The following KIF15 variants were observed in gnomAD, a reference collection of about 807,000 sequenced individuals.
The protein encoded by KIF15 is kinesin-like protein KIF15.
KIF15 carries 140 observed loss-of-function variants against 190.6 expected under a neutral mutation model. The ratio of observed to expected loss-of-function variants is 0.73; its 90% CI spans 0.64 to 0.84. The LOEUF (loss-of-function observed/expected upper bound fraction) is 0.84. KIF15 is among the 40% of genes least tolerant of loss of function. The pLI is 0.00. For missense variants in KIF15, 1,372 were observed against 1,584.4 expected, an observed-to-expected ratio of 0.87 and a Z score of 2.28; for synonymous variants, 528 against 551.3, an observed-to-expected ratio of 0.96 and a Z score of 0.59.
In KIF15 at chr3:44,761,860, G is replaced by A. The variant is rs200039637; in HGVS notation, c.-6G>A. 128 of 1,614,180 alleles carry A rather than the reference G, an allele frequency of 7.9e-5. No homozygotes were observed. The African/African-American group carries it at 1.4e-3, about 18-fold the overall frequency. ...ATTGTTTTCGGGATCGAGGGGTGAG[G>A]GCGCTATGGCACCCGGCTGCAAAAG... On this transcript the variant is annotated 5_prime_UTR_variant, in exon 1 of 35. Coordinates refer to ENST00000326047, the MANE Select transcript of KIF15 (RefSeq NM_020242.3).
intron 1 of KIF15, among the ~76,000 whole-genome samples, chr3:44,772,968 A>G (rs999369980): frequency 3.3e-5 from 5 of 152,188 alleles, no homozygotes; most frequent in African/African-American, 1.2e-4. Flanking sequence ...CTATGCCAGC[A>G]TCCCATCCTA....
Position 44,800,365 on chromosome 3 carries a change from G to C in KIF15, c.1150G>C (p.Val384Leu). The C allele has an allele frequency of 6.2e-7, 1 of 1,614,198 alleles. No homozygotes were observed. Among genetic ancestry groups the C allele is most frequent in the Non-Finnish European group, 8.5e-7 (1 of 1,180,026 alleles). ...AAATGTGAGCCAGCTCCAAGCTGAA[G>C]TGAAGAGGCTCAAAGAACAACTGGC... ...QGNVSQLQAE[V>L]KRLKEQLAEL... The change falls in exon 11 of 35, where the codon GTG (valine) becomes CTG (leucine). Residue 384 changes from valine (V) to leucine (L), a missense_variant. By Grantham distance (32) the Val-to-Leu change is conservative. Coordinates refer to ENST00000326047, the MANE Select transcript of KIF15 (RefSeq NM_020242.3).
At chr3:44,833,230 T>C (rs1333748739) in intron 26 of KIF15, among the ~76,000 whole-genome samples, 1 of 152,142 alleles carries the variant, frequency 6.6e-6, no homozygotes, top group Non-Finnish European at 1.5e-5. Context: ...CTCAGCCTTT[T>C]TGGCACCAGG....
At chr3:44,768,730 AG>A (rs1705518459) in intron 1 of KIF15, among the ~76,000 whole-genome samples, 1 of 151,928 alleles carries the variant, frequency 6.6e-6, no homozygotes, top group African/African-American at 2.4e-5. Context: ...TCCTGCTGAC[AG>A]GGGGTGCTGT....
chr3:44,815,819 T>G (rs1163159453), intron 20 of KIF15, among the ~76,000 whole-genome samples: 2 of 152,236 alleles, frequency 1.3e-5, no homozygotes, highest in Non-Finnish European at 2.9e-5. Context: ...AGCCATAATT[T>G]AATAATGGAC....
chr3:44,846,783 A>AG (rs1698868353), intron 30 of KIF15, among the ~76,000 whole-genome samples: 1 of 151,984 alleles, frequency 6.6e-6, no homozygotes, highest in African/African-American at 2.4e-5. Context: ...AAAAAAAAAA[A>AG]AAAAAAAAAG....
chr3:44,801,739 T>G, intron 12 of KIF15, 26 bp from the exon 13 acceptor site: 1 of 1,406,460 alleles, frequency 7.1e-7, no homozygotes, highest in East Asian at 2.3e-5. Context: ...TTTTTCATGT[T>G]TAACCAAATT....
chr3:44,845,419 T>C (rs1698800567), intron 30 of KIF15, among the ~76,000 whole-genome samples: 1 of 151,972 alleles, frequency 6.6e-6, no homozygotes, highest in Non-Finnish European at 1.5e-5. Context: ...TTGGAGATGG[T>C]GGGAACTACA....
At chr3:44,846,418 A>G (rs1258481146) in intron 30 of KIF15, among the ~76,000 whole-genome samples, 4 of 151,720 alleles carry the variant, frequency 2.6e-5, no homozygotes, top group African/African-American at 9.7e-5. Context: ...TTTCCTTTGC[A>G]CTCATCCTGT....
intron 20 of KIF15, among the ~76,000 whole-genome samples, chr3:44,815,566 A>G (rs964846775): frequency 2.0e-5 from 3 of 152,216 alleles, no homozygotes; most frequent in African/African-American, 7.2e-5. Flanking sequence ...CTGGAGGGAA[A>G]GGTGTGCTCT....
chr3:44,767,843 G>A (rs189297449), intron 1 of KIF15, among the ~76,000 whole-genome samples: 37 of 147,314 alleles, frequency 2.5e-4, no homozygotes, highest in African/African-American at 7.6e-4. Context: ...TGCAGTGAGC[G>A]GAGATTGCGC....
chr3:44,787,243 C>T (rs547761153), intron 7 of KIF15, among the ~76,000 whole-genome samples: 2 of 152,212 alleles, frequency 1.3e-5, no homozygotes, highest in Admixed American at 6.5e-5. Context: ...GGATACCTGT[C>T]CTCCCTATCC....
chr3:44,789,376 A>G (rs1311849539), intron 7 of KIF15, among the ~76,000 whole-genome samples: 1 of 151,878 alleles, frequency 6.6e-6, no homozygotes, highest in Non-Finnish European at 1.5e-5. Flanking sequence ...CTTATTTCTC[A>G]CATTGATTCT....
At chr3:44,826,513 C>A in intron 22 of KIF15, 53 bp downstream of exon 22, 5 of 1,198,858 alleles carry the variant, frequency 4.2e-6, no homozygotes, top group Non-Finnish European at 5.9e-6. Context: ...TTTAATACCA[C>A]ATTCTTAATC....
rs1323295047 is a variant in KIF15 at position 44,811,027 on chromosome 3, A to G, written c.2153A>G (p.Glu718Gly). The G allele has an allele frequency of 6.2e-7, 1 of 1,608,358 alleles. No homozygotes were observed. Among genetic ancestry groups the G allele is most frequent in the Non-Finnish European group, 8.5e-7 (1 of 1,178,302 alleles). Residue 718 changes from glutamate to glycine, a missense_variant, in exon 17 of 35, where the codon GAG (glutamate) becomes GGG (glycine). Physicochemically the swap from Glu to Gly is moderately conservative, Grantham distance 98. Coordinates refer to ENST00000326047, the MANE Select transcript of KIF15 (RefSeq NM_020242.3). ...CAAGCTTTTGAGGCCATTTCTGAAGAGCTTAGAACAGTGCAGGTAATGTTT... is the reference window on the plus strand; with the variant it reads ...CAAGCTTTTGAGGCCATTTCTGAAGGGCTTAGAACAGTGCAGGTAATGTTT... Reference protein sequence around the residue: ...NEQAFEAISEELRTVQEQMSA... With the variant: ...NEQAFEAISEGLRTVQEQMSA...
chr3:44,775,195 C>A, intron 2 of KIF15, 59 bp from the exon 3 acceptor site: 1 of 1,361,006 alleles, frequency 7.3e-7, no homozygotes, highest in East Asian at 2.3e-5. Context: ...AGACTTGGAT[C>A]CTTTTTCAGT....
At chr3:44,785,334 G>A (rs535314986) in intron 6 of KIF15, among the ~76,000 whole-genome samples, 1 of 152,192 alleles carries the variant, frequency 6.6e-6, no homozygotes, top group Non-Finnish European at 1.5e-5. Flanking sequence ...GTGACTGCAG[G>A]TGTCCCTAAA....
chr3:44,864,826 C>T (rs908880125), intron 6 of KIF15, among the ~76,000 whole-genome samples: 10 of 152,154 alleles, frequency 6.6e-5, no homozygotes, highest in African/African-American at 2.2e-4. Context: ...GTGTACTTTG[C>T]TGAGGTCCAG....
At chr3:44,823,068 C>CT (rs1697437732) in intron 20 of KIF15, among the ~76,000 whole-genome samples, 1 of 152,136 alleles carries the variant, frequency 6.6e-6, no homozygotes, top group East Asian at 1.9e-4. Context: ...AGCTACAATC[C>CT]TTTGGAGGAG....
Sources: gnomAD v4.1 joint callset for allele counts (sites outside exome capture counted in the v4.1 genomes callset) on GRCh38, gnomAD v4.1.1 for gene constraint, MANE v1.5 for transcripts, NCBI Gene and HGNC (gene_info 2026-07-23, HGNC 2026-07-21) for gene names.